Variants in SLC9A9 observed in about 807,000 individuals in gnomAD.
SLC9A9 encodes the protein solute carrier family 9 member A9, also known as sodium/hydrogen exchanger 9.
Under a neutral mutation model 77.8 loss-of-function variants are expected in SLC9A9, and 62 were observed. The observed-to-expected ratio is 0.80, with a 90% CI of 0.65 to 0.98. The LOEUF (loss-of-function observed/expected upper bound fraction) is 0.98. Ranked by LOEUF, SLC9A9 falls within the 50% of genes least tolerant of loss-of-function variation. The pLI, the probability that SLC9A9 is intolerant of heterozygous loss-of-function variation, is 0.00. For missense variants in SLC9A9, 775 were observed against 774.9 expected, an observed-to-expected ratio of 1.00 and a Z score of 0.00; for synonymous variants, 320 against 283.5, an observed-to-expected ratio of 1.13 and a Z score of -1.29.
At chr3:143,722,199 C>T (rs933757721) in intron 4 of SLC9A9, among the ~76,000 whole-genome samples, 3 of 152,084 alleles carry the variant, frequency 2.0e-5, no homozygotes, top group African/African-American at 7.2e-5. Context: ...ATTGGCCGGG[C>T]GCGGTGGCTC....
At chr3:143,625,586 C>T (rs1478103651) in intron 6 of SLC9A9, among the ~76,000 whole-genome samples, 1 of 152,146 alleles carries the variant, frequency 6.6e-6, no homozygotes, top group Non-Finnish European at 1.5e-5. Context: ...AACTGGATCC[C>T]TTCCTTATAC....
chr3:143,337,754 G>T (rs1215709727), intron 14 of SLC9A9, among the ~76,000 whole-genome samples: 1 of 152,200 alleles, frequency 6.6e-6, no homozygotes, highest in Non-Finnish European at 1.5e-5. Context: ...CTTGATGCAG[G>T]TTCTTGGGGG....
At chr3:143,489,708 T>A (rs1052666236) in intron 11 of SLC9A9, among the ~76,000 whole-genome samples, 1 of 151,822 alleles carries the variant, frequency 6.6e-6, no homozygotes, top group African/African-American at 2.4e-5. Flanking sequence ...ATATTGTGCA[T>A]CAAAATACAG....
chr3:143,746,272 G>C (rs898427900), intron 4 of SLC9A9, among the ~76,000 whole-genome samples: 3 of 152,202 alleles, frequency 2.0e-5, no homozygotes, highest in African/African-American at 7.2e-5. Context: ...AGTTGGGGAA[G>C]TTGGGGAGGA....
At chr3:143,719,915 T>A (rs888285639) in intron 4 of SLC9A9, among the ~76,000 whole-genome samples, 1 of 152,064 alleles carries the variant, frequency 6.6e-6, no homozygotes, top group African/African-American at 2.4e-5. Context: ...CCTTACAGCT[T>A]CCTCCTGGAA....
intron 12 of SLC9A9, among the ~76,000 whole-genome samples, chr3:143,427,338 T>C (rs2044389824): frequency 1.3e-5 from 2 of 152,208 alleles, no homozygotes; most frequent in Non-Finnish European, 2.9e-5. Flanking sequence ...TTTTGCCACA[T>C]AATTAAAACC....
At chr3:143,575,601 G>A (rs893715375) in intron 7 of SLC9A9, among the ~76,000 whole-genome samples, 2 of 152,134 alleles carry the variant, frequency 1.3e-5, no homozygotes, top group African/African-American at 4.8e-5. Context: ...GGGCTGCCCT[G>A]AGATCCTTTT....
chr3:143,468,284 C>T (rs1279960754), intron 11 of SLC9A9, among the ~76,000 whole-genome samples: 3 of 152,194 alleles, frequency 2.0e-5, no homozygotes, highest in Non-Finnish European at 4.4e-5. Flanking sequence ...TACATTCCTA[C>T]CAGCAATATA....
At chr3:143,667,837 A>G (rs567557492) in intron 5 of SLC9A9, among the ~76,000 whole-genome samples, 23 of 152,274 alleles carry the variant, frequency 1.5e-4, no homozygotes, top group Admixed American at 1.2e-3. Flanking sequence ...CAAACAACAG[A>G]TGCCGGAGAG....
intron 9 of SLC9A9, among the ~76,000 whole-genome samples, chr3:143,549,051 T>C (rs2036837344): frequency 6.6e-6 from 1 of 152,242 alleles, no homozygotes; most frequent in Non-Finnish European, 1.5e-5. Flanking sequence ...CCGTTGACAG[T>C]GTGAACACAA....
At chr3:143,589,033 G>C (rs2037604971) in intron 6 of SLC9A9, among the ~76,000 whole-genome samples, 1 of 152,166 alleles carries the variant, frequency 6.6e-6, no homozygotes, top group South Asian at 2.1e-4. Context: ...TCCAGCTAAA[G>C]TTAAAATATA....
chr3:143,582,667 T>C (rs1429530231), intron 6 of SLC9A9, among the ~76,000 whole-genome samples: 2 of 152,220 alleles, frequency 1.3e-5, no homozygotes, highest in Non-Finnish European at 2.9e-5. Context: ...TGTTCTCATG[T>C]ATTTCATGCA....
intron 12 of SLC9A9, among the ~76,000 whole-genome samples, chr3:143,449,820 TTACATATATAATTATATGTA>T (rs1559921642): frequency 7.4e-5 from 3 of 40,272 alleles, no homozygotes; most frequent in East Asian, 1.4e-3. Flanking sequence ...AATTATATAT[TTACATATATAATTATATGTA>T]TTATATATAT....
intron 1 of SLC9A9, among the ~76,000 whole-genome samples, chr3:143,840,426 C>A (rs1194432953): frequency 6.6e-6 from 1 of 152,166 alleles, no homozygotes; most frequent in Non-Finnish European, 1.5e-5. Context: ...TTGCATGATT[C>A]ATATAAATTC....
intron 2 of SLC9A9, among the ~76,000 whole-genome samples, chr3:143,825,982 G>T (rs1216592721): frequency 6.6e-6 from 1 of 152,150 alleles, no homozygotes; most frequent in South Asian, 2.1e-4. Flanking sequence ...TTTGTGACCA[G>T]GCACTGTGGC....
chr3:143,423,046 C>T (rs2108529010), intron 12 of SLC9A9, among the ~76,000 whole-genome samples: 1 of 152,192 alleles, frequency 6.6e-6, no homozygotes, highest in Middle Eastern at 3.4e-3. Context: ...GTTAAGAACA[C>T]AGGCTATTAG....
intron 2 of SLC9A9, among the ~76,000 whole-genome samples, chr3:143,800,427 C>T (rs371932233): frequency 6.6e-5 from 10 of 152,190 alleles, no homozygotes; most frequent in Admixed American, 1.3e-4. Flanking sequence ...TCAGGATCTG[C>T]GCCTTATGAA....
chr3:143,590,550 C>A (rs1312238010), intron 6 of SLC9A9, among the ~76,000 whole-genome samples: 1 of 152,134 alleles, frequency 6.6e-6, no homozygotes, highest in African/African-American at 2.4e-5. Flanking sequence ...TCCTATAGAG[C>A]AGAAGGCTAC....
intron 5 of SLC9A9, among the ~76,000 whole-genome samples, chr3:143,663,432 C>T (rs1187470899): frequency 6.6e-6 from 1 of 152,194 alleles, no homozygotes; most frequent in Non-Finnish European, 1.5e-5. Context: ...CAGCTTCTCG[C>T]CAACAACGGA....
Sources: gnomAD v4.1 joint callset for allele counts (sites outside exome capture counted in the v4.1 genomes callset) on GRCh38, gnomAD v4.1.1 for gene constraint, MANE v1.5 for transcripts, NCBI Gene and HGNC (gene_info 2026-07-23, HGNC 2026-07-21) for gene names.